The following HELZ variants were observed in gnomAD, a reference collection of about 807,000 sequenced individuals.
The protein encoded by HELZ is ATP-dependent RNA helicase with zinc finger domain.
Under a neutral mutation model 218.2 loss-of-function variants are expected in HELZ, and 23 were observed. The ratio of observed to expected loss-of-function variants is 0.11; its 90% CI spans 0.08 to 0.15. The LOEUF (loss-of-function observed/expected upper bound fraction) is 0.15, where lower values mean the gene tolerates loss of function less well. Among genes scored for constraint, HELZ ranks in the 10% least tolerant of loss-of-function variants. HELZ has a pLI of 1.00. For synonymous variants in HELZ, 814 were observed against 829.4 expected (o/e 0.98, Z 0.32); for missense variants, 1,813 against 2,353.7 (o/e 0.77, Z 4.75).
intron 31 of HELZ, 70 bp downstream of exon 31, chr17:67,107,099 T>TATCA: frequency 7.3e-7 from 1 of 1,368,076 alleles, no homozygotes. Context: ...GCCTTCCTAT[T>TATCA]ATCAAATCAA....
At chr17:67,131,179 T>C (rs2037971450) in intron 23 of HELZ, among the ~76,000 whole-genome samples, 1 of 152,230 alleles carries the variant, frequency 6.6e-6, no homozygotes, top group Non-Finnish European at 1.5e-5. Flanking sequence ...TGAGCTACTG[T>C]ACGCAGCCTC....
intron 5 of HELZ, among the ~76,000 whole-genome samples, chr17:67,209,526 A>C (rs2040398485): frequency 6.6e-6 from 1 of 152,198 alleles, no homozygotes; most frequent in South Asian, 2.1e-4. Context: ...TGAACCCAGA[A>C]GGCAGAGGTT....
chr17:67,220,380 CA>C (rs2040712934), intron 3 of HELZ, among the ~76,000 whole-genome samples: 1 of 152,134 alleles, frequency 6.6e-6, no homozygotes, highest in Non-Finnish European at 1.5e-5. Flanking sequence ...AGGGAGAGTT[CA>C]AAAAGGACTT....
intron 3 of HELZ, among the ~76,000 whole-genome samples, chr17:67,235,441 G>A (rs2041152491): frequency 6.6e-6 from 1 of 151,724 alleles, no homozygotes; most frequent in South Asian, 2.1e-4. Flanking sequence ...GGAGGCGGAG[G>A]CTGCAGTGAG....
At chr17:67,196,967 C>A (rs2040047394) in intron 7 of HELZ, among the ~76,000 whole-genome samples, 1 of 152,174 alleles carries the variant, frequency 6.6e-6, no homozygotes. Context: ...GCCCTCATTA[C>A]CGCTTGTCTC....
rs143065367 is a variant in HELZ at position 67,149,966 on chromosome 17, T to C, written c.2376A>G (p.Leu792=). The stretch of plus-strand genomic sequence containing the variant: ...CCATGGCCTGGGCAGCTTCATCTAA[T>C]AGAATGTGTGTAAAAAACCCTAGAA... The part of the protein sequence containing the change: ...DLEPGFFTHI[L]LDEAAQAMEC... Residue 792 remains leucine (L), a synonymous_variant, in exon 19 of 33, where the codon CTA becomes CTG. Transcript: ENST00000358691. 705 of 1,609,170 alleles carry C rather than the reference T, an allele frequency of 4.4e-4. 8 individuals are homozygous for C. In the East Asian group the frequency reaches 0.011, roughly 26 times the overall value.
intron 32 of HELZ, among the ~76,000 whole-genome samples, chr17:67,083,643 A>G (rs552054360): frequency 1.3e-5 from 2 of 152,260 alleles, no homozygotes; most frequent in African/African-American, 4.8e-5. Context: ...ACAAAACAAA[A>G]CAAACAAACA....
At chr17:67,193,559 T>C (rs2039952164) in intron 9 of HELZ, among the ~76,000 whole-genome samples, 1 of 151,432 alleles carries the variant, frequency 6.6e-6, no homozygotes, top group Non-Finnish European at 1.5e-5. Context: ...CTACTAAACA[T>C]ACAAAAAATT....
At chr17:67,149,810 A>T in intron 19 of HELZ, 57 bp downstream of exon 19, 2 of 966,340 alleles carry the variant, frequency 2.1e-6, no homozygotes, top group East Asian at 2.5e-5. Context: ...ATAGAATATT[A>T]AACATCAAAA....
In HELZ at chr17:67,192,677, T is replaced by A. The variant is rs543846685; in HGVS notation, c.557+1290A>T. 3.3e-5 allele frequency among the ~76,000 whole-genome samples: 5 copies of A among 152,306 alleles called. No individual in the cohort carries two copies. In the South Asian group the frequency reaches 1.0e-3, roughly 32 times the overall value. ...CACTAGGATTTTCAATACTTACACATTAGTTTCCTGACTATTCAATAATCA... is the reference window on the plus strand; with the variant it reads ...CACTAGGATTTTCAATACTTACACAATAGTTTCCTGACTATTCAATAATCA... On this transcript the variant is annotated intron_variant, in intron 9 of 32. Transcript: ENST00000358691.
intron 15 of HELZ, among the ~76,000 whole-genome samples, chr17:67,162,375 T>C (rs1184451358): frequency 6.6e-6 from 1 of 152,212 alleles, no homozygotes; most frequent in Non-Finnish European, 1.5e-5. Context: ...TTTTCTGAAA[T>C]TTGCCATTTG....
At chr17:67,087,199 G>A in intron 31 of HELZ, 118 bp from the exon 32 acceptor site, 5 of 939,246 alleles carry the variant, frequency 5.3e-6, no homozygotes, top group South Asian at 3.3e-5. Context: ...AATATACTGT[G>A]ACTGTGAAAC....
chr17:67,166,338 C>A (rs1008825163), intron 15 of HELZ, 140 bp downstream of exon 15: 1 of 589,626 alleles, frequency 1.7e-6, no homozygotes, highest in South Asian at 3.3e-5. Context: ...TTTAAGTGTT[C>A]TTTTACTCTC....
chr17:67,089,684 G>GAGAGAGAGAGAGAGAC (rs2036511728), intron 31 of HELZ, among the ~76,000 whole-genome samples: 1 of 127,778 alleles, frequency 7.8e-6, no homozygotes, highest in Non-Finnish European at 1.6e-5. Context: ...GAGAGAGAGA[G>GAGAGAGAGAGAGAGAC]AGAGAGAGAG....
intron 5 of HELZ, among the ~76,000 whole-genome samples, chr17:67,206,911 GT>G (rs533232611): frequency 7.2e-6 from 1 of 139,724 alleles, no homozygotes; most frequent in Non-Finnish European, 1.6e-5. Context: ...TTTGTTTTTT[GT>G]TTTTTTGGGT....
At chr17:67,104,396 G>A (rs1277014722) in intron 31 of HELZ, among the ~76,000 whole-genome samples, 4 of 148,538 alleles carry the variant, frequency 2.7e-5, no homozygotes, top group Non-Finnish European at 5.9e-5. Flanking sequence ...CCGAGATGGC[G>A]CCACTGCACT....
Position 67,167,664 on chromosome 17 carries a change from A to G in HELZ, c.1563T>C (p.Thr521=), listed in dbSNP as rs2039186040. 3 of 1,614,220 alleles carry G rather than the reference A, an allele frequency of 1.9e-6. No homozygotes were observed. The highest frequency in any genetic ancestry group is 2.5e-6 in the Non-Finnish European group (3 of 1,180,040). Residue 521 remains threonine, a synonymous_variant, in exon 14 of 33, where the codon ACT becomes ACC. Coordinates refer to ENST00000358691, the MANE Select transcript of HELZ (RefSeq NM_014877.4). ...FKLTETLSED[T]LAGRLVMTKV... ...TGGTCATCACCAGTCGTCCAGCCAAAGTATCTTCAGAAAGTGTTTCAGTAA... is the reference window on the plus strand; with the variant it reads ...TGGTCATCACCAGTCGTCCAGCCAAGGTATCTTCAGAAAGTGTTTCAGTAA...
intron 12 of HELZ, among the ~76,000 whole-genome samples, chr17:67,183,571 AATG>A (rs1390653851): frequency 2.3e-4 from 35 of 152,222 alleles, no homozygotes; most frequent in Admixed American, 2.2e-3. Flanking sequence ...TAGAGAAATA[AATG>A]ATATCAAGTT....
chr17:67,123,815 C>CTGTGTGTGTGTGTGTGTGTGTGTG lies in HELZ; in HGVS notation c.3439+124_3439+147dup, dbSNP rs58616216. The CTGTGTGTGTGTGTGTGTGTGTGTG allele has an allele frequency of 8.2e-5, 44 of 535,070 alleles. 1 individual carries two copies. In the African/African-American group the frequency reaches 8.5e-4, roughly 10 times the overall value. 33.1% of individuals were successfully genotyped at this position (535,070 alleles called of 1,614,324 possible). A position where few individuals can be genotyped will look rare whatever the true frequency, so the allele number is the denominator to read the frequency against. Reference sequence around the variant, plus strand: ...AAAAAATTGAGAGGTTCCAAAGTGACTGTGTGTGTGTGTGTGTGTGTGTGT... The same window carrying CTGTGTGTGTGTGTGTGTGTGTGTG: ...AAAAAATTGAGAGGTTCCAAAGTGACTGTGTGTGTGTGTGTGTGTGTGTGTGTGTGTGTGTGTGTGTGTGTGTGT... On this transcript the variant is annotated intron_variant, in intron 25 of 32. Transcript: ENST00000358691.
Sources: allele counts gnomAD v4.1 joint callset (sites outside exome capture counted in the v4.1 genomes callset), GRCh38; gene constraint gnomAD v4.1.1; transcripts MANE v1.5; gene names NCBI Gene and HGNC (gene_info 2026-07-23, HGNC 2026-07-21).